The following HPX variants were observed in gnomAD, a reference collection of about 807,000 sequenced individuals.
The protein encoded by HPX is beta-1B-glycoprotein.
HPX carries 42 observed loss-of-function variants against 53.8 expected under a neutral mutation model. The ratio of observed to expected loss-of-function variants is 0.78; its 90% CI spans 0.61 to 1.01. The LOEUF (loss-of-function observed/expected upper bound fraction) is 1.01, where lower values mean the gene tolerates loss of function less well. HPX is among the 50% of genes least tolerant of loss of function. The pLI, the probability that HPX is intolerant of heterozygous loss-of-function variation, is 0.00. For synonymous variants in HPX, 229 were observed against 221.1 expected, an observed-to-expected ratio of 1.04 and a Z score of -0.32; for missense variants, 547 against 594.3, an observed-to-expected ratio of 0.92 and a Z score of 0.83.
chr11:6,439,887 CA>C, intron 4 of HPX: 1 of 454,762 alleles, frequency 2.2e-6, no homozygotes, highest in Non-Finnish European at 4.1e-6. Flanking sequence ...GCAAGGGAAG[CA>C]ATTGCCAGAG....
chr11:6,436,046 G>A (rs1308750595), intron 7 of HPX, among the ~76,000 whole-genome samples: 3 of 152,128 alleles, frequency 2.0e-5, no homozygotes, highest in Non-Finnish European at 2.9e-5. Context: ...TGATACTTAT[G>A]TGTTCTTACT....
Position 6,437,627 on chromosome 11 carries a change from C to T in HPX, c.516G>A (p.Leu172=). Residue 172 remains leucine, a synonymous_variant, in exon 6 of 10, where the codon TTG becomes TTA. Transcript: ENST00000265983. ...AACGCTCCTTCATGGTTCCCGTAGC[C>T]AAGTCCCAGAACCACTCGCGGTCAC... is the stretch of plus-strand genomic sequence containing the variant. ...FQGDREWFWD[L]ATGTMKERSW... 6.2e-7 allele frequency: 1 copy of T among 1,614,152 alleles called. No individual in the cohort carries two copies. The highest frequency in any genetic ancestry group is 8.5e-7 in the Non-Finnish European group (1 of 1,180,030).
chr11:6,432,145 A>G, intron 7 of HPX, 128 bp from the exon 8 acceptor site: 2 of 1,002,640 alleles, frequency 2.0e-6, no homozygotes, highest in Non-Finnish European at 3.0e-6. Flanking sequence ...GGAAGAGGCC[A>G]GGTGAGAAGG....
Position 6,431,254 on chromosome 11 carries a change from G to T in HPX, c.1346C>A (p.Pro449Gln). Residue 449 changes from proline (P) to glutamine (Q), a missense_variant, in exon 10 of 10, where the codon CCG becomes CAG. By Grantham distance (76) the Pro-to-Gln change is moderately conservative. Transcript: ENST00000265983. ...GAGACTGGTCACATTCTGGGGTTGCGGAAGGGCCTTGGCTGCATTCAGTTT... is the reference window on the plus strand; with the variant it reads ...GAGACTGGTCACATTCTGGGGTTGCTGAAGGGCCTTGGCTGCATTCAGTTT... Reference protein sequence around the residue: ...VEKLNAAKALPQPQNVTSLLG... With the variant: ...VEKLNAAKALQQPQNVTSLLG... 6.2e-7 allele frequency: 1 copy of T among 1,614,244 alleles called. No individual in the cohort carries two copies. The highest frequency in any genetic ancestry group is 8.5e-7 in the Non-Finnish European group (1 of 1,180,048).
At chr11:6,436,266 A>G (rs1296187828) in intron 7 of HPX, among the ~76,000 whole-genome samples, 1 of 152,236 alleles carries the variant, frequency 6.6e-6, no homozygotes, top group African/African-American at 2.4e-5. Context: ...AAATATTTTC[A>G]CGATTTTATA....
rs1849443748 is a variant in HPX at position 6,438,401 on chromosome 11, A to G, written c.445T>C (p.Cys149Arg). Residue 149 changes from cysteine to arginine, a missense_variant, in exon 5 of 10, where the codon TGT becomes CGT. Physicochemically the swap from Cys to Arg is radical, Grantham distance 180. Transcript: ENST00000265983. ...TCAGCTTGACATTCTCCACGGTGACATTCCACAGCTGCATCCAGTGGGGAT... is the reference window on the plus strand; with the variant it reads ...TCAGCTTGACATTCTCCACGGTGACGTTCCACAGCTGCATCCAGTGGGGAT... Reference protein sequence around the residue: ...IPSPLDAAVECHRGECQAEGV... With the variant: ...IPSPLDAAVERHRGECQAEGV... 1.9e-6 allele frequency: 3 copies of G among 1,614,162 alleles called. No homozygotes were observed. The African/African-American group carries it at 4.0e-5, about 22-fold the overall frequency.
chr11:6,434,086 C>T (rs921528583), intron 7 of HPX, among the ~76,000 whole-genome samples: 20 of 152,212 alleles, frequency 1.3e-4, no homozygotes, highest in African/African-American at 4.8e-4. Context: ...CTCACTTTAG[C>T]AGAGCCTGTC....
At chr11:6,435,524 G>C (rs1683927346) in intron 7 of HPX, among the ~76,000 whole-genome samples, 1 of 152,036 alleles carries the variant, frequency 6.6e-6, no homozygotes, top group Admixed American at 6.5e-5. Context: ...GAGTGCAGTA[G>C]CACGATCACG....
rs745365156 is a variant in HPX at position 6,440,659 on chromosome 11, G to A, written c.142+13C>T. 5 of 1,610,966 alleles carry A rather than the reference G, an allele frequency of 3.1e-6. No individual in the cohort carries two copies. The highest frequency in any genetic ancestry group is 4.2e-6 in the Non-Finnish European group (5 of 1,178,560). ...CAGACAGATAAGACAGACTTAGGGA[G>A]TCAGGGCCTCACCAGTCACGTCTGG... is the stretch of plus-strand genomic sequence containing the variant. On this transcript the variant is annotated intron_variant, in intron 2 of 9. Coordinates refer to ENST00000265983, the MANE Select transcript of HPX (RefSeq NM_000613.3).
chr11:6,437,375 G>A, intron 6 of HPX, 65 bp downstream of exon 6: 9 of 1,468,362 alleles, frequency 6.1e-6, no homozygotes, highest in Non-Finnish European at 8.6e-6. Context: ...TAGGACACGT[G>A]AGATCCACAA....
At chr11:6,440,566 G>GT (rs760218555) in intron 2 of HPX, 28 bp from the exon 3 acceptor site, 1 of 364,722 alleles carries the variant, frequency 2.7e-6, no homozygotes, top group Non-Finnish European at 4.6e-6. Context: ...AGATGGCAAA[G>GT]TAAAAAAAAA....
intron 2 of HPX, 30 bp downstream of exon 2, chr11:6,440,642 T>C (rs1288097220): frequency 6.6e-7 from 1 of 1,508,520 alleles, no homozygotes; most frequent in Non-Finnish European, 9.0e-7. Flanking sequence ...ACCAGACAGA[T>C]AAGACAGACT....
intron 7 of HPX, among the ~76,000 whole-genome samples, chr11:6,433,941 C>T (rs1849382335): frequency 6.6e-6 from 1 of 152,194 alleles, no homozygotes; most frequent in African/African-American, 2.4e-5. Context: ...GAAGTCTCAG[C>T]TCAAAAATCA....
At chr11:6,434,520 G>A (rs2134133575) in intron 7 of HPX, among the ~76,000 whole-genome samples, 1 of 152,116 alleles carries the variant, frequency 6.6e-6, no homozygotes, top group South Asian at 2.1e-4. Context: ...TAGTAGAGAT[G>A]AGATTTCACC....
intron 7 of HPX, among the ~76,000 whole-genome samples, chr11:6,434,229 T>C (rs1482282270): frequency 6.6e-6 from 1 of 152,206 alleles, no homozygotes; most frequent in Non-Finnish European, 1.5e-5. Context: ...CAAGTTCTCT[T>C]ATTAGCCGTG....
chr11:6,431,359 C>T lies in HPX; in HGVS notation c.1241G>A (p.Gly414Asp), dbSNP rs781573050. ...ACCATTGGCGGAACATGAGTTAGGG[C>T]CAAGGGACTTTTCCATACACAAGGC... is the stretch of plus-strand genomic sequence containing the variant. Reference protein sequence around the residue: ...DGALCMEKSLGPNSCSANGPG... With the variant: ...DGALCMEKSLDPNSCSANGPG... Residue 414 changes from glycine (G) to aspartate (D), a missense_variant, in exon 10 of 10, where the codon GGC (glycine) becomes GAC (aspartate). Coordinates refer to ENST00000265983, the MANE Select transcript of HPX (RefSeq NM_000613.3). 1.2e-6 allele frequency: 2 copies of T among 1,614,218 alleles called. No individual in the cohort carries two copies. The highest frequency in any genetic ancestry group is 1.1e-5 in the South Asian group (1 of 91,082).
At position 6,440,736 on chromosome 11, in the gene HPX, G is replaced by C. The variant is rs771534981; in HGVS notation, c.84-6C>G. 5 of 1,613,646 alleles carry C rather than the reference G, an allele frequency of 3.1e-6. No homozygotes were observed. Among genetic ancestry groups the C allele is most frequent in the Admixed American group, 1.7e-5 (1 of 60,004 alleles). On this transcript the variant is annotated splice_polypyrimidine_tract_variant and splice_region_variant and intron_variant, in intron 1 of 9. Coordinates refer to ENST00000265983, the MANE Select transcript of HPX (RefSeq NM_000613.3). ...CATTCCCATGGGCACTAGTCCTAGG[G>C]AGAACAAAATAGATATCTTGATCCA...
At position 6,431,173 on chromosome 11, in the gene HPX, G is replaced by A; in HGVS notation, c.*38C>T. ...AATCTGTCTTTATTATGAGGAACTA[G>A]GAGGTGGGGCCAGGCCAGACTCATG... On this transcript the variant is annotated 3_prime_UTR_variant, in exon 10 of 10. Transcript: ENST00000265983. 1 of 1,611,290 alleles carries A rather than the reference G, an allele frequency of 6.2e-7. No homozygotes were observed. The highest frequency in any genetic ancestry group is 1.3e-5 in the African/African-American group (1 of 74,972).
intron 4 of HPX, 91 bp from the exon 5 acceptor site, chr11:6,438,600 G>A (rs973407164): frequency 3.4e-5 from 40 of 1,179,924 alleles, no homozygotes; most frequent in Non-Finnish European, 4.3e-5. Context: ...GTGCTTATAC[G>A]ATATCCTCCT....
Sources: gnomAD v4.1 joint callset for allele counts (sites outside exome capture counted in the v4.1 genomes callset) on GRCh38, gnomAD v4.1.1 for gene constraint, MANE v1.5 for transcripts, NCBI Gene and HGNC (gene_info 2026-07-23, HGNC 2026-07-21) for gene names.